Variants in NBAS observed in about 807,000 individuals in gnomAD.
NBAS encodes the protein NBAS subunit of NRZ tethering complex.
Under a neutral mutation model 302.5 loss-of-function variants are expected in NBAS, and 219 were observed. The observed-to-expected ratio is 0.72, with a 90% CI of 0.65 to 0.81. The LOEUF (loss-of-function observed/expected upper bound fraction) is 0.81. Ranked by LOEUF, NBAS falls within the 30% of genes least tolerant of loss-of-function variation. NBAS has a pLI of 0.00. For missense variants in NBAS, 2,932 were observed against 2,841.6 expected (o/e 1.03, Z -0.72); for synonymous variants, 1,118 against 1,021.6 (o/e 1.09, Z -1.80).
intron 49 of NBAS, among the ~76,000 whole-genome samples, chr2:15,187,302 G>A (rs1221260801): frequency 1.3e-5 from 2 of 151,992 alleles, no homozygotes; most frequent in Non-Finnish European, 2.9e-5. Flanking sequence ...AATGAATGAT[G>A]TATGTAATTG....
chr2:14,893,906 C>T, the NBAS span, among the ~76,000 whole-genome samples: 3 of 152,346 alleles, frequency 2.0e-5, no homozygotes, highest in Non-Finnish European at 4.4e-5. Flanking sequence ...TTCCTTAATT[C>T]TGCCCAAACC....
intron 4 of NBAS, 136 bp downstream of exon 4, chr2:15,553,925 C>A: frequency 3.1e-6 from 2 of 644,422 alleles, no homozygotes; most frequent in Non-Finnish European, 5.3e-6. Context: ...TTAAACAATA[C>A]TAAATATTTG....
the NBAS span, among the ~76,000 whole-genome samples, chr2:14,820,156 T>C: frequency 2.0e-5 from 3 of 152,236 alleles, no homozygotes; most frequent in Non-Finnish European, 4.4e-5. Flanking sequence ...GCAGTCCCAC[T>C]GCTGAGTGTG....
chr2:15,413,559 A>C lies in NBAS; in HGVS notation c.2937+1987T>G, dbSNP rs77317911. Among the ~76,000 whole-genome samples, 1,076 of 152,328 alleles carry C rather than the reference A, an allele frequency of 7.1e-3. 42 individuals carry two copies. Among genetic ancestry groups the C allele is most frequent in the Admixed American group, 0.058 (892 of 15,300 alleles). ...ACGGGATCACTACTCCAAACAAAGG[A>C]AACAGTCTGTAACACACGGAGGGCC... On this transcript the variant is annotated intron_variant, in intron 25 of 51. Transcript: ENST00000281513.
intron 9 of NBAS, among the ~76,000 whole-genome samples, chr2:15,513,833 A>G (rs139201288): frequency 3.1e-3 from 465 of 152,196 alleles, no homozygotes; most frequent in Non-Finnish European, 5.1e-3. Flanking sequence ...TACAAAAAAA[A>G]AAATCAGCCA....
intron 47 of NBAS, among the ~76,000 whole-genome samples, chr2:15,229,279 T>G: frequency 7.2e-6 from 1 of 138,162 alleles, no homozygotes; most frequent in East Asian, 2.2e-4. Flanking sequence ...GGGCAGAGGT[T>G]GCAGTGAGCC....
chr2:14,865,323 G>A, the NBAS span, among the ~76,000 whole-genome samples: 2 of 151,480 alleles, frequency 1.3e-5, no homozygotes, highest in Non-Finnish European at 2.9e-5. Context: ...TGGAATTCAG[G>A]TTGGGGAAGC....
chr2:14,940,447 T>C, the NBAS span, among the ~76,000 whole-genome samples: 2 of 152,228 alleles, frequency 1.3e-5, no homozygotes, highest in Admixed American at 1.3e-4. Context: ...TCGTACTTCC[T>C]GTACAGCCTA....
intron 21 of NBAS, among the ~76,000 whole-genome samples, chr2:15,442,700 T>C (rs1232914935): frequency 6.6e-6 from 1 of 151,608 alleles, no homozygotes; most frequent in Non-Finnish European, 1.5e-5. Flanking sequence ...TTCAAAAAAT[T>C]AATGAATCCA....
chr2:15,265,267 G>A (rs1251488662), intron 44 of NBAS, among the ~76,000 whole-genome samples: 1 of 152,090 alleles, frequency 6.6e-6, no homozygotes, highest in Non-Finnish European at 1.5e-5. Context: ...ATCAAATTTG[G>A]AATCAGGAGA....
chr2:14,800,785 G>GTTTTTTTTTTTTT, the NBAS span, among the ~76,000 whole-genome samples: 6 of 129,520 alleles, frequency 4.6e-5, no homozygotes, highest in Admixed American at 7.4e-5. Flanking sequence ...GATTTAAATT[G>GTTTTTTTTTTTTT]TTTTTGTTTT....
At chr2:15,206,717 C>T (rs1336977186) in intron 48 of NBAS, among the ~76,000 whole-genome samples, 6 of 152,218 alleles carry the variant, frequency 3.9e-5, no homozygotes, top group African/African-American at 1.4e-4. Flanking sequence ...AGAGCTCAGG[C>T]CATTGCTTCA....
the NBAS span, among the ~76,000 whole-genome samples, chr2:14,789,814 T>C: frequency 6.6e-6 from 1 of 152,214 alleles, no homozygotes; most frequent in Non-Finnish European, 1.5e-5. Context: ...AAAGTAGAAC[T>C]GTGTATTCAT....
In NBAS at chr2:15,551,162, A is replaced by G. The variant is rs149164033; in HGVS notation, c.379+331T>C. 3.5e-3 allele frequency among the ~76,000 whole-genome samples: 529 copies of G among 152,294 alleles called. 2 individuals are homozygous for G. The highest frequency in any genetic ancestry group is 0.012 in the African/African-American group (499 of 41,562). On this transcript the variant is annotated intron_variant, in intron 6 of 51. Coordinates refer to ENST00000281513, the MANE Select transcript of NBAS (RefSeq NM_015909.4). ...TATATTTAAAAAATGGCCAAATCCT[A>G]GACTTCTTACTAGTCTGTATCTAAC... is the stretch of plus-strand genomic sequence containing the variant.
intron 44 of NBAS, among the ~76,000 whole-genome samples, chr2:15,255,937 G>A (rs911180356): frequency 1.3e-5 from 2 of 152,134 alleles, no homozygotes; most frequent in Admixed American, 6.6e-5. Context: ...GTACAGTGCT[G>A]TTTTGGTAAC....
chr2:15,482,350 C>G (rs1680463805), intron 12 of NBAS, among the ~76,000 whole-genome samples: 1 of 152,114 alleles, frequency 6.6e-6, no homozygotes, highest in Non-Finnish European at 1.5e-5. Flanking sequence ...CTCCTGGGCT[C>G]AAGCAATTCC....
the NBAS span, among the ~76,000 whole-genome samples, chr2:15,041,561 G>C: frequency 6.6e-6 from 1 of 152,250 alleles, no homozygotes; most frequent in African/African-American, 2.4e-5. Flanking sequence ...CCTGGGGAGG[G>C]CCGGCAGGAA....
the NBAS span, among the ~76,000 whole-genome samples, chr2:15,058,765 T>C: frequency 2.6e-5 from 4 of 152,308 alleles, no homozygotes; most frequent in East Asian, 5.8e-4. Flanking sequence ...GCCGGGAATC[T>C]CCACTTTCCC....
intron 38 of NBAS, among the ~76,000 whole-genome samples, chr2:15,320,453 A>C (rs910848641): frequency 2.6e-5 from 4 of 152,212 alleles, no homozygotes; most frequent in African/African-American, 9.6e-5. Context: ...AGAGGAAGTC[A>C]AATTGTCTCT....
Sources: gnomAD v4.1 joint callset for allele counts (sites outside exome capture counted in the v4.1 genomes callset) on GRCh38, gnomAD v4.1.1 for gene constraint, MANE v1.5 for transcripts, NCBI Gene and HGNC (gene_info 2026-07-23, HGNC 2026-07-21) for gene names.